Variants in ASB2 observed in about 807,000 individuals in gnomAD.
The protein encoded by ASB2 is ankyrin repeat and SOCS box protein 2.
A neutral mutation model predicts 62.4 loss-of-function variants in ASB2; 58 were observed. The ratio of observed to expected loss-of-function variants is 0.93; its 90% CI spans 0.75 to 1.16. The LOEUF (loss-of-function observed/expected upper bound fraction) is 1.16. ASB2 is among the 50% of genes most tolerant of loss of function. The pLI, the probability that ASB2 is intolerant of heterozygous loss-of-function variation, is 0.00. For missense variants in ASB2, 928 were observed against 887.9 expected (o/e 1.05, Z -0.57); for synonymous variants, 386 against 385.3 (o/e 1.00, Z -0.02).
intron 2 of ASB2, among the ~76,000 whole-genome samples, chr14:93,962,657 G>T (rs1889453566): frequency 6.6e-6 from 1 of 152,182 alleles, no homozygotes; most frequent in South Asian, 2.1e-4. Context: ...CAGAGTCAGG[G>T]TCTGGATGCC....
rs968352743 is a variant in ASB2 at position 93,937,894 on chromosome 14, C to T, written c.1618-43G>A. The T allele has an allele frequency of 2.6e-6, 4 of 1,552,540 alleles. No individual in the cohort carries two copies. The Admixed American group carries it at 7.2e-5, about 28-fold the overall frequency. ...GGGACCAAGAAGTGAGTTCATCCCA[C>T]CTGCAAGAGCCTGCGGCCAGGGACG... On this transcript the variant is annotated intron_variant, in intron 8 of 9. Transcript: ENST00000555019.
rs887804979 is a variant in ASB2 at position 93,960,878 on chromosome 14, C to T, written c.206+3456G>A. 4.0e-5 allele frequency among the ~76,000 whole-genome samples: 6 copies of T among 151,772 alleles called. No individual in the cohort carries two copies. The South Asian group carries it at 1.2e-3, about 32-fold the overall frequency. Reference sequence around the variant, plus strand: ...CATTGCTAGAGCTTTTTATTGGTTTCAAAGGTATTTATTTGTTTAAAAACA... The same window carrying T: ...CATTGCTAGAGCTTTTTATTGGTTTTAAAGGTATTTATTTGTTTAAAAACA... On this transcript the variant is annotated intron_variant, in intron 2 of 9. Coordinates refer to ENST00000555019, the MANE Select transcript of ASB2 (RefSeq NM_001202429.2).
chr14:93,954,766 G>A (rs1001533944), intron 3 of ASB2, among the ~76,000 whole-genome samples: 1 of 152,204 alleles, frequency 6.6e-6, no homozygotes, highest in Non-Finnish European at 1.5e-5. Context: ...CCACCCACAT[G>A]TGAGGCACTT....
At chr14:93,940,272 C>G (rs765450424) in intron 7 of ASB2, 2 of 152,394 alleles carry the variant, frequency 1.3e-5, no homozygotes, top group Non-Finnish European at 2.9e-5. Context: ...TTTACAAGTG[C>G]GATTGGGTTT....
At chr14:93,956,928 G>T (rs1889241205) in intron 2 of ASB2, 58 bp from the exon 3 acceptor site, 2 of 1,607,282 alleles carry the variant, frequency 1.2e-6, no homozygotes, top group South Asian at 2.2e-5. Context: ...GGAGAAGCGG[G>T]TCATGGCTTC....
chr14:93,938,749 C>A (rs1053255798), intron 8 of ASB2, among the ~76,000 whole-genome samples: 2 of 152,180 alleles, frequency 1.3e-5, no homozygotes, highest in Admixed American at 6.5e-5. Flanking sequence ...TCCTTAAATT[C>A]CCCAACGCAG....
At chr14:93,971,171 A>T (rs536262564) in intron 1 of ASB2, among the ~76,000 whole-genome samples, 1 of 152,344 alleles carries the variant, frequency 6.6e-6, no homozygotes, top group Admixed American at 6.5e-5. Flanking sequence ...CCTTCGCGTG[A>T]CAGCTGTGGT....
chr14:93,955,745 C>T (rs1446047048), intron 3 of ASB2, among the ~76,000 whole-genome samples: 1 of 152,196 alleles, frequency 6.6e-6, no homozygotes, highest in Non-Finnish European at 1.5e-5. Flanking sequence ...TCTCCATGAC[C>T]TCAGGCAAAG....
rs1415374765 is a variant in ASB2, at chr14:93,956,790, C to A, written c.287G>T (p.Ser96Ile). The change falls in exon 3 of 10, where the codon AGC (serine) becomes ATC (isoleucine). Residue 96 changes from serine to isoleucine, a missense_variant. Coordinates refer to ENST00000555019, the MANE Select transcript of ASB2 (RefSeq NM_001202429.2). ...FQGVMQKYSS[S>I]LFKTSQLAPA... The stretch of plus-strand genomic sequence containing the variant: ...CGCCAGCTGGGAGGTCTTGAACAAG[C>A]TGCTGCTGTATTTCTGCATGACCCC... 6.2e-7 allele frequency: 1 copy of A among 1,614,216 alleles called. No individual in the cohort carries two copies. Among genetic ancestry groups the A allele is most frequent in the South Asian group, 1.1e-5 (1 of 91,086 alleles).
intron 7 of ASB2, chr14:93,941,237 A>G (rs570607031): frequency 8.1e-5 from 15 of 184,870 alleles, no homozygotes; most frequent in South Asian, 3.4e-4. Flanking sequence ...CTGCACCAAT[A>G]TGATTCCAGA....
chr14:93,957,483 A>G, intron 2 of ASB2: 2 of 745,328 alleles, frequency 2.7e-6, no homozygotes, highest in Non-Finnish European at 3.3e-6. Context: ...AGTCAGACAG[A>G]CACAGGTTCA....
At chr14:93,965,092 A>G (rs1318738583) in intron 1 of ASB2, among the ~76,000 whole-genome samples, 3 of 152,028 alleles carry the variant, frequency 2.0e-5, no homozygotes, top group South Asian at 2.1e-4. Flanking sequence ...CCATTATCCT[A>G]TCTGTCCACC....
Position 93,934,583 on chromosome 14 carries a change from G to T in ASB2, c.*73C>A. ...TCGTCTGTCACCAGGTCCCCTTGGA[G>T]TTGGGAACACCGACGTCCTGAGACT... On this transcript the variant is annotated 3_prime_UTR_variant, in exon 10 of 10. Transcript: ENST00000555019. The T allele has an allele frequency of 1.3e-6, 2 of 1,524,992 alleles. No individual in the cohort carries two copies. Among genetic ancestry groups the T allele is most frequent in the Non-Finnish European group, 9.0e-7 (1 of 1,108,002 alleles). 94.5% of individuals were successfully genotyped at this position (1,524,992 alleles called of 1,614,324 possible).
intron 7 of ASB2, among the ~76,000 whole-genome samples, chr14:93,944,913 C>A (rs1595306896): frequency 6.6e-6 from 1 of 152,364 alleles, no homozygotes; most frequent in Non-Finnish European, 1.5e-5. Flanking sequence ...ACTGCCAACA[C>A]CTCTGGGTTC....
At chr14:93,934,839 A>G in intron 9 of ASB2, 47 bp from the exon 10 acceptor site, 1 of 1,544,468 alleles carries the variant, frequency 6.5e-7, no homozygotes, top group Non-Finnish European at 9.0e-7. Flanking sequence ...ATTTGCAATA[A>G]GCAAAGGGAT....
chr14:93,968,534 C>A (rs1243996847), intron 1 of ASB2, among the ~76,000 whole-genome samples: 2 of 152,184 alleles, frequency 1.3e-5, no homozygotes, highest in Admixed American at 6.5e-5. Context: ...CTGACCCAAG[C>A]AACTGACACA....
intron 8 of ASB2, 69 bp from the exon 9 acceptor site, chr14:93,937,920 G>A: frequency 6.8e-7 from 1 of 1,479,020 alleles, no homozygotes; most frequent in Non-Finnish European, 9.2e-7. Flanking sequence ...GCCAGGGACG[G>A]CAGCGGATGT....
chr14:93,962,541 C>T (rs541951462), intron 2 of ASB2, among the ~76,000 whole-genome samples: 2 of 152,162 alleles, frequency 1.3e-5, no homozygotes, highest in South Asian at 4.1e-4. Flanking sequence ...GCTGCTCGAC[C>T]TGGGAGAAAT....
At chr14:93,958,447 T>G (rs1889302649) in intron 2 of ASB2, among the ~76,000 whole-genome samples, 1 of 152,146 alleles carries the variant, frequency 6.6e-6, no homozygotes, top group African/African-American at 2.4e-5. Flanking sequence ...TTCCTGCCTT[T>G]TCGTCCTCTC....
Sources: gnomAD v4.1 joint callset for allele counts (sites outside exome capture counted in the v4.1 genomes callset) on GRCh38, gnomAD v4.1.1 for gene constraint, MANE v1.5 for transcripts, NCBI Gene and HGNC (gene_info 2026-07-23, HGNC 2026-07-21) for gene names.